Variants in WDFY3 observed in about 807,000 individuals in gnomAD.
The protein encoded by WDFY3 is WD repeat and FYVE domain containing 3, also known as WD repeat and FYVE domain-containing protein 3.
A neutral mutation model predicts 409.6 loss-of-function variants in WDFY3; 66 were observed. The observed-to-expected ratio is 0.16, with a 90% CI of 0.13 to 0.20. WDFY3 has a LOEUF of 0.20. WDFY3 is among the 10% of genes least tolerant of loss of function. WDFY3 has a pLI of 1.00. For missense variants in WDFY3, 3,031 were observed against 4,298.1 expected, an observed-to-expected ratio of 0.71 and a Z score of 8.24; for synonymous variants, 1,521 against 1,537.1, an observed-to-expected ratio of 0.99 and a Z score of 0.25.
chr4:84,839,014 A>G (rs1227202314), intron 6 of WDFY3, among the ~76,000 whole-genome samples: 1 of 152,150 alleles, frequency 6.6e-6, no homozygotes, highest in Non-Finnish European at 1.5e-5. Context: ...CAAACATAAC[A>G]CTGAATTTGC....
chr4:84,823,805 A>G (rs1754438585), intron 10 of WDFY3, among the ~76,000 whole-genome samples: 1 of 152,218 alleles, frequency 6.6e-6, no homozygotes, highest in Non-Finnish European at 1.5e-5. Context: ...AGCAACTGGA[A>G]CTGACATTAC....
chr4:84,775,790 A>G (rs770542474), intron 27 of WDFY3, among the ~76,000 whole-genome samples: 11 of 151,850 alleles, frequency 7.2e-5, no homozygotes, highest in Admixed American at 2.0e-4. Context: ...TTAAGTGGAC[A>G]AAGGGGACAA....
intron 7 of WDFY3, among the ~76,000 whole-genome samples, chr4:84,833,275 T>C (rs1183191368): frequency 6.6e-6 from 1 of 152,216 alleles, no homozygotes; most frequent in Non-Finnish European, 1.5e-5. Flanking sequence ...TTTTCTCATC[T>C]AAGTATTTTT....
intron 30 of WDFY3, 57 bp downstream of exon 30, chr4:84,772,778 A>G (rs1744890877): frequency 2.8e-6 from 4 of 1,415,100 alleles, no homozygotes; most frequent in African/African-American, 1.4e-5. Flanking sequence ...GGCCAGAAGA[A>G]AAAAGGCATA....
rs780741731 is a variant in WDFY3 at position 84,850,028 on chromosome 4, G to A, written c.181-3C>T. The A allele has an allele frequency of 2.5e-6, 4 of 1,575,966 alleles. No individual in the cohort carries two copies. Among genetic ancestry groups the A allele is most frequent in the Non-Finnish European group, 3.4e-6 (4 of 1,164,052 alleles). ...TTCGGCGGAGCATTTCCAAAAACCT[G>A]TAGATAAGAAAAGACATTGTTAATG... On this transcript the variant is annotated splice_region_variant and splice_polypyrimidine_tract_variant and intron_variant, in intron 4 of 67. Transcript: ENST00000295888.
chr4:84,733,130 G>A (rs1044074233), intron 44 of WDFY3, among the ~76,000 whole-genome samples: 1 of 152,140 alleles, frequency 6.6e-6, no homozygotes, highest in African/African-American at 2.4e-5. Flanking sequence ...TAGCAAAGTG[G>A]CAGAGTCAGG....
intron 8 of WDFY3, 59 bp downstream of exon 8, chr4:84,831,354 A>G: frequency 8.3e-7 from 1 of 1,211,944 alleles, no homozygotes. Flanking sequence ...TAAATCTATT[A>G]TTAAATGAAG....
At position 84,769,844 on chromosome 4, in the gene WDFY3, G is replaced by A. The variant is rs1219994774; in HGVS notation, c.4849+2991C>T. Among the ~76,000 whole-genome samples the A allele has an allele frequency of 2.0e-5, 3 of 152,020 alleles. No homozygotes were observed. The East Asian group carries it at 5.8e-4, about 29-fold the overall frequency. ...AGAATAATTAGCATGTCCATCACCT[G>A]AAACCATTGTTGTCTTATTTTAAGA... On this transcript the variant is annotated intron_variant, in intron 30 of 67. Coordinates refer to ENST00000295888, the MANE Select transcript of WDFY3 (RefSeq NM_014991.6).
intron 3 of WDFY3, among the ~76,000 whole-genome samples, chr4:84,885,221 T>C (rs1764038578): frequency 6.6e-6 from 1 of 151,862 alleles, no homozygotes; most frequent in African/African-American, 2.4e-5. Context: ...GCCAGGCTGG[T>C]CTTGAACTCC....
In WDFY3 at chr4:84,755,246, G is replaced by A; in HGVS notation, c.5559+20C>T. 1.2e-6 allele frequency: 2 copies of A among 1,608,640 alleles called. No homozygotes were observed. The highest frequency in any genetic ancestry group is 1.7e-6 in the Non-Finnish European group (2 of 1,178,628). On this transcript the variant is annotated intron_variant, in intron 34 of 67. Coordinates refer to ENST00000295888, the MANE Select transcript of WDFY3 (RefSeq NM_014991.6). ...GGCAGGAGGAATTCTCAATAGGCCT[G>A]GGCATTTGAGTGAACTTACTGAAGT...
rs557954835 is a variant in WDFY3 at position 84,696,622 on chromosome 4, T to C, written c.8688+110A>G. ...TGTATCCCCTGTAGATAAGGGGACC[T>C]GGCTGTATTAGTAACAAACAGGTGG... On this transcript the variant is annotated intron_variant, in intron 57 of 67. Coordinates refer to ENST00000295888, the MANE Select transcript of WDFY3 (RefSeq NM_014991.6). The C allele has an allele frequency of 2.8e-6, 3 of 1,077,052 alleles. No homozygotes were observed. The African/African-American group carries it at 4.7e-5, about 17-fold the overall frequency. The allele number at this position is 1,077,052 out of a possible 1,614,324, so 66.7% of individuals were successfully genotyped here. A position where few individuals can be genotyped will look rare whatever the true frequency, so the allele number is the denominator to read the frequency against.
At chr4:84,828,426 T>C (rs1411259298) in intron 9 of WDFY3, among the ~76,000 whole-genome samples, 1 of 152,184 alleles carries the variant, frequency 6.6e-6, no homozygotes, top group Non-Finnish European at 1.5e-5. Flanking sequence ...ACCAAAAATA[T>C]AATTAAGAAG....
chr4:84,756,516 T>C (rs1286629562), intron 33 of WDFY3, among the ~76,000 whole-genome samples: 1 of 150,798 alleles, frequency 6.6e-6, no homozygotes, highest in South Asian at 2.1e-4. Flanking sequence ...ACCCGGGAGG[T>C]GGAATTTTCA....
chr4:84,696,674 T>A, intron 57 of WDFY3, 58 bp downstream of exon 57: 1 of 1,553,292 alleles, frequency 6.4e-7, no homozygotes, highest in Admixed American at 1.7e-5. Context: ...CCTGTCTTTG[T>A]ATTATGTTCA....
At chr4:84,955,546 T>C (rs1433170115) in intron 1 of WDFY3, among the ~76,000 whole-genome samples, 1 of 152,152 alleles carries the variant, frequency 6.6e-6, no homozygotes. Context: ...CAAAATAAGG[T>C]CACTATGCTT....
chr4:84,811,860 G>A (rs1021611122), intron 13 of WDFY3, among the ~76,000 whole-genome samples: 2 of 152,100 alleles, frequency 1.3e-5, no homozygotes, highest in African/African-American at 4.8e-5. Flanking sequence ...TATACAGTAA[G>A]TTATCTAAAC....
chr4:84,685,249 T>C (rs1364656162), intron 62 of WDFY3, among the ~76,000 whole-genome samples: 1 of 151,982 alleles, frequency 6.6e-6, no homozygotes, highest in Non-Finnish European at 1.5e-5. Context: ...CATCAACACA[T>C]AAAAAGGTAA....
At chr4:84,702,835 G>T (rs1731269363) in intron 55 of WDFY3, among the ~76,000 whole-genome samples, 1 of 152,184 alleles carries the variant, frequency 6.6e-6, no homozygotes, top group Non-Finnish European at 1.5e-5. Flanking sequence ...GGCGGCTCAC[G>T]CCTGTAATCC....
At chr4:84,784,860 A>ATG (rs1747201680) in intron 24 of WDFY3, among the ~76,000 whole-genome samples, 2 of 63,310 alleles carry the variant, frequency 3.2e-5, no homozygotes, top group East Asian at 4.5e-4. Flanking sequence ...GTGTATATGT[A>ATG]TATATATATA....
Sources: allele counts gnomAD v4.1 joint callset (sites outside exome capture counted in the v4.1 genomes callset), GRCh38; gene constraint gnomAD v4.1.1; transcripts MANE v1.5; gene names NCBI Gene and HGNC (gene_info 2026-07-23, HGNC 2026-07-21).